GRIN2A: variants seen among roughly 807,000 people sequenced by gnomAD.
GRIN2A encodes glutamate ionotropic receptor NMDA type subunit 2A.
GRIN2A carries 22 observed loss-of-function variants against 113.4 expected under a neutral mutation model. The ratio of observed to expected loss-of-function variants is 0.19; its 90% CI spans 0.14 to 0.28. GRIN2A has a LOEUF of 0.28. Among genes scored for constraint, GRIN2A ranks in the 10% least tolerant of loss-of-function variants. The probability of loss-of-function intolerance (pLI) is 1.00; values close to 1 mark genes in which losing one functional copy is unlikely to be tolerated. For missense variants in GRIN2A, 1,502 were observed against 1,887.0 expected (o/e 0.80, Z 3.78); for synonymous variants, 827 against 738.4 (o/e 1.12, Z -1.94).
At chr16:9,772,633 C>T (rs1901341342) in intron 11 of GRIN2A, among the ~76,000 whole-genome samples, 1 of 152,148 alleles carries the variant, frequency 6.6e-6, no homozygotes, top group Admixed American at 6.5e-5. Context: ...GGCTCAGCCT[C>T]CCAAAGTGCT....
At chr16:9,879,825 G>T (rs1185407560) in intron 4 of GRIN2A, among the ~76,000 whole-genome samples, 3 of 152,230 alleles carry the variant, frequency 2.0e-5, no homozygotes, top group African/African-American at 7.2e-5. Flanking sequence ...CCTAATAAAT[G>T]TTAAACAAAT....
At position 10,006,899 on chromosome 16, in the gene GRIN2A, C is replaced by T. The variant is rs537098622; in HGVS notation, c.415-68348G>A. Among the ~76,000 whole-genome samples, 478 of 152,290 alleles carry T rather than the reference C, an allele frequency of 3.1e-3. 2 individuals are homozygous for T. Among genetic ancestry groups the T allele is most frequent in the Non-Finnish European group, 5.2e-3 (357 of 68,030 alleles). The stretch of plus-strand genomic sequence containing the variant: ...AACATGCAAAGTTTGTCTTTCTATG[C>T]CTGGCTTATTTCACTTAACATAGTG... On this transcript the variant is annotated intron_variant, in intron 2 of 12. Transcript: ENST00000330684.
intron 2 of GRIN2A, among the ~76,000 whole-genome samples, chr16:10,104,272 G>C (rs8047366): frequency 0.93 from 142,150 of 152,236 alleles, 67,139 homozygotes; most frequent in East Asian, 1. Flanking sequence ...TTCTGGCCAG[G>C]AGAGAAAAGA....
At chr16:10,125,817 G>C (rs989588587) in intron 2 of GRIN2A, among the ~76,000 whole-genome samples, 1 of 151,968 alleles carries the variant, frequency 6.6e-6, no homozygotes, top group South Asian at 2.1e-4. Flanking sequence ...AGAGCTGGGG[G>C]TAAAGGCTGG....
At chr16:10,097,005 T>G (rs1252511770) in intron 2 of GRIN2A, among the ~76,000 whole-genome samples, 1 of 152,200 alleles carries the variant, frequency 6.6e-6, no homozygotes, top group Non-Finnish European at 1.5e-5. Context: ...GGAGACTGAA[T>G]TAAATAACAT....
At chr16:9,840,228 G>T (rs1009441462) in intron 7 of GRIN2A, among the ~76,000 whole-genome samples, 1 of 152,168 alleles carries the variant, frequency 6.6e-6, no homozygotes, top group African/African-American at 2.4e-5. Context: ...CATGGCAGAA[G>T]AGGAAGCAGA....
intron 10 of GRIN2A, among the ~76,000 whole-genome samples, chr16:9,819,283 G>GCTGAGGCAGGAGAATGGCTTGAGCCTT (rs1343252917): frequency 1.3e-5 from 2 of 152,098 alleles, no homozygotes; most frequent in African/African-American, 4.8e-5. Context: ...ACTTTGAGAG[G>GCTGAGGCAGGAGAATGGCTTGAGCCTT]CTGAGGCAGG....
rs34463380 is a variant in GRIN2A, at chr16:10,170,880, TAAA to T, written c.414+9115_414+9117del. The stretch of plus-strand genomic sequence containing the variant: ...CAACAGAGTGAAACACTGTTTTCTT[TAAA>T]AAAAAAAAAAAAAAAATTGTGTTGT... On this transcript the variant is annotated intron_variant, in intron 2 of 12. Coordinates refer to ENST00000330684, the MANE Select transcript of GRIN2A (RefSeq NM_001134407.3). Among the ~76,000 whole-genome samples the T allele has an allele frequency of 8.0e-3, 1,144 of 143,618 alleles. 8 individuals carry two copies. The highest frequency in any genetic ancestry group is 0.026 in the African/African-American group (1,001 of 38,650). 94.2% of individuals were successfully genotyped at this position (143,618 alleles called of 152,430 possible).
At chr16:10,042,915 A>G (rs896156760) in intron 2 of GRIN2A, among the ~76,000 whole-genome samples, 2 of 152,216 alleles carry the variant, frequency 1.3e-5, no homozygotes, top group African/African-American at 2.4e-5. Flanking sequence ...GAACAGACGG[A>G]AGGGAAGAAG....
At chr16:9,843,620 C>G (rs145126127) in intron 5 of GRIN2A, among the ~76,000 whole-genome samples, 71 of 152,340 alleles carry the variant, frequency 4.7e-4, no homozygotes, top group African/African-American at 1.5e-3. Context: ...TATCCCACCC[C>G]CACATCCTGT....
Position 9,840,633 on chromosome 16 carries a change from T to C in GRIN2A, c.1651+14A>G, listed in dbSNP as rs1375166103. Reference sequence around the variant, plus strand: ...CCTTATAGGAAAGCAATAGTCACTATGAAATTCACACACCTAGAAAAGCAG... The same window carrying C: ...CCTTATAGGAAAGCAATAGTCACTACGAAATTCACACACCTAGAAAAGCAG... On this transcript the variant is annotated intron_variant, in intron 7 of 12. Transcript: ENST00000330684. 2 of 1,611,042 alleles carry C rather than the reference T, an allele frequency of 1.2e-6. No homozygotes were observed. Among genetic ancestry groups the C allele is most frequent in the African/African-American group, 1.3e-5 (1 of 74,934 alleles).
chr16:10,022,262 C>A (rs771809796), intron 2 of GRIN2A, among the ~76,000 whole-genome samples: 1 of 151,416 alleles, frequency 6.6e-6, no homozygotes. Context: ...CTTACACACA[C>A]ATACACATGC....
chr16:9,891,983 C>A lies in GRIN2A; in HGVS notation c.1008-883G>T, dbSNP rs966566405. Among the ~76,000 whole-genome samples, 3 of 152,166 alleles carry A rather than the reference C, an allele frequency of 2.0e-5. No individual in the cohort carries two copies. The South Asian group carries it at 6.2e-4, about 32-fold the overall frequency. On this transcript the variant is annotated intron_variant, in intron 3 of 12. Transcript: ENST00000330684. Reference sequence around the variant, plus strand: ...GTGGCTCACACCTGTAATCCCAGCACTTTGGGAGGCTGAGGTAGGGGAATC... The same window carrying A: ...GTGGCTCACACCTGTAATCCCAGCAATTTGGGAGGCTGAGGTAGGGGAATC...
In GRIN2A at chr16:10,166,493, C is replaced by G. The variant is rs2049927581; in HGVS notation, c.414+13505G>C. 2.6e-5 allele frequency among the ~76,000 whole-genome samples: 4 copies of G among 152,264 alleles called. No individual in the cohort carries two copies. In the South Asian group the frequency reaches 8.3e-4, roughly 32 times the overall value. ...TAGGGGCAGGCACCCAGGACACAAG[C>G]CTCTTCCAGACCAGCTCTCCAATTT... On this transcript the variant is annotated intron_variant, in intron 2 of 12. Coordinates refer to ENST00000330684, the MANE Select transcript of GRIN2A (RefSeq NM_001134407.3).
intron 3 of GRIN2A, among the ~76,000 whole-genome samples, chr16:9,926,508 G>C (rs879784577): frequency 6.6e-6 from 1 of 152,162 alleles, no homozygotes; most frequent in Admixed American, 6.5e-5. Flanking sequence ...ACTTCCAGTT[G>C]TGCTAACTCA....
At position 10,032,907 on chromosome 16, in the gene GRIN2A, A is replaced by C. The variant is rs139285777; in HGVS notation, c.415-94356T>G. 1.8e-3 allele frequency among the ~76,000 whole-genome samples: 270 copies of C among 152,240 alleles called. 1 individual carries two copies. The highest frequency in any genetic ancestry group is 6.1e-3 in the African/African-American group (253 of 41,550). ...GTTTCCTTATCATTGTCCTTAACCA[A>C]TGGAGAGTTTCTTGTGTCCATATAT... On this transcript the variant is annotated intron_variant, in intron 2 of 12. Coordinates refer to ENST00000330684, the MANE Select transcript of GRIN2A (RefSeq NM_001134407.3).
At chr16:10,112,026 G>C (rs1008563101) in intron 2 of GRIN2A, 1 of 641,756 alleles carries the variant, frequency 1.6e-6, no homozygotes, top group Non-Finnish European at 2.8e-6. Context: ...TGATCGCCAT[G>C]AGCTAGTGGC....
rs371842975 is a variant in GRIN2A at position 9,973,788 on chromosome 16, GA to G, written c.415-35238del. ...ATAATGTCTTTATAAGTGCTGGGGG[GA>G]AAAAAAACAAATTCTATAATTAGTG... On this transcript the variant is annotated intron_variant, in intron 2 of 12. Transcript: ENST00000330684. Among the ~76,000 whole-genome samples the G allele has an allele frequency of 2.1e-3, 324 of 151,378 alleles. 1 individual carries two copies. Among genetic ancestry groups the G allele is most frequent in the African/African-American group, 7.4e-3 (308 of 41,346 alleles).
chr16:9,768,806 TA>T (rs2141149067), intron 12 of GRIN2A, 44 bp downstream of exon 12: 1 of 1,367,036 alleles, frequency 7.3e-7, no homozygotes, highest in Non-Finnish European at 1.0e-6. Context: ...AGCGCTTTTC[TA>T]AACCTGCTTG....
Sources: allele counts gnomAD v4.1 joint callset (sites outside exome capture counted in the v4.1 genomes callset), GRCh38; gene constraint gnomAD v4.1.1; transcripts MANE v1.5; gene names NCBI Gene and HGNC (gene_info 2026-07-23, HGNC 2026-07-21).